Variants in ADAMTSL1 observed in about 807,000 individuals in gnomAD.
ADAMTSL1 encodes ADAMTS-like protein 1.
In ADAMTSL1, 126 loss-of-function variants were observed where a neutral mutation model predicts 201.8. The ratio of observed to expected loss-of-function variants is 0.62; its 90% confidence interval spans 0.54 to 0.72. The LOEUF is 0.72. ADAMTSL1 is among the 30% of genes least tolerant of loss of function. The pLI, the probability that ADAMTSL1 is intolerant of heterozygous loss-of-function variation, is 0.00. For missense variants in ADAMTSL1, 2,679 were observed against 2,277.8 expected (o/e 1.18, Z -3.59); for synonymous variants, 1,121 against 903.4 (o/e 1.24, Z -4.32).
In ADAMTSL1 at chr9:17,925,693, TG is replaced by T. The variant is rs1826494404; in HGVS notation, c.87+18775del. Among the ~76,000 whole-genome samples, 15 of 115,340 alleles carry T rather than the reference TG, an allele frequency of 1.3e-4. No individual in the cohort carries two copies. In the South Asian group the frequency reaches 4.7e-3, roughly 36 times the overall value. 75.7% of individuals were successfully genotyped at this position (115,340 alleles called of 152,430 possible). A position where few individuals can be genotyped will look rare whatever the true frequency, so the allele number is the denominator to read the frequency against. ...ACACAGGAAGGGGAATATCACACTC[TG>T]GGGACTGTGGTGGGGTGGGGGGAGG... On this transcript the variant is annotated intron_variant, in intron 1 of 29. Transcript: ENST00000680146.
intron 1 of ADAMTSL1, among the ~76,000 whole-genome samples, chr9:18,038,866 C>G (rs1404297990): frequency 1.3e-5 from 2 of 152,146 alleles, no homozygotes; most frequent in Non-Finnish European, 1.5e-5. Flanking sequence ...TTACCAGTAC[C>G]ATAACTTCCC....
intron 1 of ADAMTSL1, among the ~76,000 whole-genome samples, chr9:17,985,479 T>C (rs562965487): frequency 3.1e-4 from 47 of 152,144 alleles, no homozygotes; most frequent in Non-Finnish European, 5.3e-4. Flanking sequence ...AAAAATACTT[T>C]ATAGTTCTGA....
At chr9:18,734,675 T>C (rs1376473618) in intron 15 of ADAMTSL1, among the ~76,000 whole-genome samples, 1 of 152,204 alleles carries the variant, frequency 6.6e-6, no homozygotes, top group Non-Finnish European at 1.5e-5. Flanking sequence ...TGGATTCACC[T>C]AATCCAGGTT....
At chr9:18,071,076 A>G (rs189948429) in intron 1 of ADAMTSL1, among the ~76,000 whole-genome samples, 134 of 152,322 alleles carry the variant, frequency 8.8e-4, no homozygotes, top group Non-Finnish European at 1.5e-3. Flanking sequence ...TCAAAGATCA[A>G]GAATATATGG....
chr9:18,845,742 C>A (rs1826063400), intron 23 of ADAMTSL1, among the ~76,000 whole-genome samples: 1 of 152,064 alleles, frequency 6.6e-6, no homozygotes, highest in Non-Finnish European at 1.5e-5. Context: ...AAATCTCATG[C>A]AAAAAGGTGA....
At chr9:18,875,740 T>C (rs1184850764) in intron 23 of ADAMTSL1, among the ~76,000 whole-genome samples, 3 of 152,214 alleles carry the variant, frequency 2.0e-5, no homozygotes, top group Non-Finnish European at 4.4e-5. Flanking sequence ...TTGGGTAGAA[T>C]ATTCTACAAA....
chr9:18,321,790 G>C (rs1278997277), intron 2 of ADAMTSL1, among the ~76,000 whole-genome samples: 1 of 152,004 alleles, frequency 6.6e-6, no homozygotes, highest in East Asian at 1.9e-4. Flanking sequence ...GAGACTCCAT[G>C]TCAAAAAAAC....
intron 2 of ADAMTSL1, among the ~76,000 whole-genome samples, chr9:18,329,229 C>T (rs1197395483): frequency 6.6e-6 from 1 of 152,136 alleles, no homozygotes; most frequent in East Asian, 1.9e-4. Context: ...TGTTACCAGA[C>T]ACTGAATCTT....
At chr9:18,447,019 A>G (rs1820218468) in intron 2 of ADAMTSL1, among the ~76,000 whole-genome samples, 1 of 151,760 alleles carries the variant, frequency 6.6e-6, no homozygotes, top group African/African-American at 2.4e-5. Flanking sequence ...GGGAGGTGAG[A>G]CAATCACAAA....
intron 1 of ADAMTSL1, among the ~76,000 whole-genome samples, chr9:18,007,627 A>G (rs752764954): frequency 1.3e-5 from 2 of 151,976 alleles, no homozygotes; most frequent in Admixed American, 6.6e-5. Context: ...CCCTTAACCC[A>G]TGTAATCACT....
intron 23 of ADAMTSL1, among the ~76,000 whole-genome samples, chr9:18,883,879 G>A (rs1017697393): frequency 2.6e-5 from 4 of 152,100 alleles, no homozygotes; most frequent in African/African-American, 9.7e-5. Flanking sequence ...TATGAACATA[G>A]GTGTACAAAT....
intron 1 of ADAMTSL1, among the ~76,000 whole-genome samples, chr9:17,957,004 T>C (rs1467190723): frequency 6.6e-6 from 1 of 152,168 alleles, no homozygotes; most frequent in African/African-American, 2.4e-5. Flanking sequence ...TATAATGAAA[T>C]GGCATAGCTA....
chr9:18,296,401 A>G (rs1378217330), intron 2 of ADAMTSL1, among the ~76,000 whole-genome samples: 2 of 152,182 alleles, frequency 1.3e-5, no homozygotes, highest in Non-Finnish European at 2.9e-5. Context: ...TTTTTATCTT[A>G]GATTTGATAA....
At chr9:18,144,268 G>A (rs10481561) in intron 1 of ADAMTSL1, among the ~76,000 whole-genome samples, 25 of 151,618 alleles carry the variant, frequency 1.6e-4, no homozygotes, top group Non-Finnish European at 1.8e-4. Context: ...GTGCAGTGGC[G>A]CGATCTTGGC....
intron 15 of ADAMTSL1, among the ~76,000 whole-genome samples, chr9:18,728,609 G>A (rs535372307): frequency 6.6e-6 from 1 of 152,188 alleles, no homozygotes; most frequent in Admixed American, 6.5e-5. Flanking sequence ...TTTATGAATA[G>A]GGCAAGCATG....
At chr9:18,062,034 TAC>T (rs749683251) in intron 1 of ADAMTSL1, among the ~76,000 whole-genome samples, 35 of 152,224 alleles carry the variant, frequency 2.3e-4, no homozygotes, top group Non-Finnish European at 3.8e-4. Context: ...AGCTACAAGC[TAC>T]ACTCAGCCAT....
Position 18,887,524 on chromosome 9 carries a change from AC to A in ADAMTSL1, c.4250-306del, listed in dbSNP as rs774296714. Among the ~76,000 whole-genome samples, 6 of 152,304 alleles carry A rather than the reference AC, an allele frequency of 3.9e-5. 1 individual carries two copies. The highest frequency in any genetic ancestry group is 2.6e-4 in the Admixed American group (4 of 15,296). On this transcript the variant is annotated intron_variant, in intron 23 of 28. Transcript: ENST00000380548. ...TATAAGAACTACTTACCTTGAAAAA[AC>A]TGTTCAATGAATGAAGATTAATTGT... is the stretch of plus-strand genomic sequence containing the variant.
intron 1 of ADAMTSL1, among the ~76,000 whole-genome samples, chr9:18,036,427 T>C (rs1821198636): frequency 6.6e-6 from 1 of 152,214 alleles, no homozygotes; most frequent in Non-Finnish European, 1.5e-5. Context: ...ACTGGATAAA[T>C]ACTTTGTAAA....
chr9:18,422,373 G>A (rs1563950125), intron 2 of ADAMTSL1, among the ~76,000 whole-genome samples: 1 of 152,196 alleles, frequency 6.6e-6, no homozygotes, highest in Non-Finnish European at 1.5e-5. Context: ...TCTAGACCAT[G>A]AAATAATACA....
Sources: allele counts gnomAD v4.1 joint callset (sites outside exome capture counted in the v4.1 genomes callset), GRCh38; gene constraint gnomAD v4.1.1; transcripts MANE v1.5; gene names NCBI Gene and HGNC (gene_info 2026-07-23, HGNC 2026-07-21).